The following ZNF516 variants were observed in gnomAD, a reference collection of about 807,000 sequenced individuals.
ZNF516 encodes zinc finger protein 516.
ZNF516 carries 19 observed loss-of-function variants against 79.7 expected under a neutral mutation model. The observed-to-expected ratio is 0.24, with a 90% CI of 0.17 to 0.35. The LOEUF is 0.35. Among genes scored for constraint, ZNF516 ranks in the 10% least tolerant of loss-of-function variants. The pLI is 1.00. For missense variants in ZNF516, 1,678 were observed against 1,679.5 expected (o/e 1.00, Z 0.02); for synonymous variants, 877 against 739.5 (o/e 1.19, Z -3.02).
intron 1 of ZNF516, among the ~76,000 whole-genome samples, chr18:76,473,353 T>C (rs1599144803): frequency 1.3e-5 from 1 of 74,418 alleles, no homozygotes; most frequent in Non-Finnish European, 2.4e-5. Flanking sequence ...ATTTGCTCTC[T>C]GCAAAAAAAA....
In ZNF516 at chr18:76,467,777, G is replaced by A. The variant is rs568998807; in HGVS notation, c.-271-4636C>T. Among the ~76,000 whole-genome samples the A allele has an allele frequency of 6.6e-6, 1 of 152,326 alleles. No homozygotes were observed. The highest frequency in any genetic ancestry group is 2.4e-5 in the African/African-American group (1 of 41,586). ...GCAGGCATGTTCAAACTGTAAGCCC[G>A]TTCGATTCCTGAGTTATTTTTACCA... On this transcript the variant is annotated intron_variant, in intron 1 of 6. Coordinates refer to ENST00000443185, the MANE Select transcript of ZNF516 (RefSeq NM_014643.4). This position sits in a 1 kb window ranked among gnomAD's most constrained non-coding sequence, Gnocchi z 4.2.
intron 3 of ZNF516, among the ~76,000 whole-genome samples, chr18:76,403,909 C>T (rs2075265515): frequency 6.6e-6 from 1 of 152,228 alleles, no homozygotes; most frequent in Non-Finnish European, 1.5e-5. Context: ...CTGCAACAGT[C>T]TCGATGTCTA....
At chr18:76,428,702 A>T (rs2075626113) in intron 3 of ZNF516, among the ~76,000 whole-genome samples, 1 of 152,238 alleles carries the variant, frequency 6.6e-6, no homozygotes, top group Non-Finnish European at 1.5e-5. Context: ...ACGCTTACAC[A>T]AGCAAATACA....
At chr18:76,429,953 C>G (rs750672695) in intron 3 of ZNF516, among the ~76,000 whole-genome samples, 5 of 152,134 alleles carry the variant, frequency 3.3e-5, no homozygotes, top group African/African-American at 4.8e-5. Context: ...ACCATAGAAA[C>G]CGCAGAGACT....
chr18:76,495,733 TG>T (rs1787029570), upstream of ZNF516: 1 of 1,175,866 alleles, frequency 8.5e-7, no homozygotes, highest in Non-Finnish European at 1.1e-6. Context: ...GGCGGGTACC[TG>T]GGCACTGCGC....
chr18:76,429,743 A>G (rs2075639277), intron 3 of ZNF516, among the ~76,000 whole-genome samples: 1 of 152,220 alleles, frequency 6.6e-6, no homozygotes, highest in Non-Finnish European at 1.5e-5. Flanking sequence ...CCACTCGAGA[A>G]AGAATAACCA....
Position 76,379,952 on chromosome 18 carries a change from C to A in ZNF516, c.2162G>T (p.Gly721Val). The change falls in exon 4 of 7, where the codon GGA becomes GTA. Residue 721 changes from glycine (G) to valine (V), a missense_variant. Around this residue, in one of 5 missense-constraint regions of ZNF516, gnomAD observed 1,294 missense variants for 1,248.3 expected, o/e 1.04. Coordinates refer to ENST00000443185, the MANE Select transcript of ZNF516 (RefSeq NM_014643.4). ...SDLHNKEHSG[G>V]GKRALAPDLM... The stretch of plus-strand genomic sequence containing the variant: ...GTCTGGGGCCAGCGCCCGCTTCCCT[C>A]CCCCAGAGTGTTCCTTGTTGTGCAA... 1.2e-6 allele frequency: 2 copies of A among 1,613,992 alleles called. No homozygotes were observed. Among genetic ancestry groups the A allele is most frequent in the Non-Finnish European group, 1.7e-6 (2 of 1,179,902 alleles).
At chr18:76,478,444 G>A (rs978022387) in intron 1 of ZNF516, among the ~76,000 whole-genome samples, 4 of 152,074 alleles carry the variant, frequency 2.6e-5, no homozygotes, top group African/African-American at 9.7e-5. Flanking sequence ...GAAAAAAAAG[G>A]TTTAAGGTTT....
chr18:76,401,995 G>A lies in ZNF516; in HGVS notation c.1811-21692C>T, dbSNP rs545303505. Among the ~76,000 whole-genome samples, 154 of 149,042 alleles carry A rather than the reference G, an allele frequency of 1.0e-3. No homozygotes were observed. The South Asian group carries it at 0.012, about 11-fold the overall frequency. On this transcript the variant is annotated intron_variant, in intron 3 of 6. Coordinates refer to ENST00000443185, the MANE Select transcript of ZNF516 (RefSeq NM_014643.4). ...TGCGTGCCTATGTGCATGTGTGTAC[G>A]CGCGTGTGTACACGTTTGTGTGTAC...
intron 2 of ZNF516, among the ~76,000 whole-genome samples, chr18:76,460,643 C>A (rs968028661): frequency 6.6e-6 from 1 of 152,042 alleles, no homozygotes; most frequent in African/African-American, 2.4e-5. Flanking sequence ...TTTCAACGAG[C>A]CCAGTTGCTC....
At chr18:76,469,066 T>A (rs553885264) in intron 1 of ZNF516, among the ~76,000 whole-genome samples, 8 of 152,342 alleles carry the variant, frequency 5.3e-5, no homozygotes, top group African/African-American at 1.9e-4. Context: ...CATTCTTGAA[T>A]AGTTTTGGAT....
At chr18:76,457,320 T>C (rs1018880428) in intron 2 of ZNF516, among the ~76,000 whole-genome samples, 3 of 152,266 alleles carry the variant, frequency 2.0e-5, no homozygotes, top group Non-Finnish European at 4.4e-5. Flanking sequence ...ATTTGTTTTC[T>C]TTGAGAAGGG....
chr18:76,436,838 C>G (rs1030881935), intron 3 of ZNF516, among the ~76,000 whole-genome samples: 2 of 151,952 alleles, frequency 1.3e-5, no homozygotes, highest in Admixed American at 1.3e-4. Flanking sequence ...GAGGCTGAGG[C>G]GGGTGGATTG....
At chr18:76,416,274 G>A (rs758920520) in intron 3 of ZNF516, among the ~76,000 whole-genome samples, 3 of 152,188 alleles carry the variant, frequency 2.0e-5, no homozygotes, top group Admixed American at 2.0e-4. Context: ...GCCCCTTTTC[G>A]TATCGCACAC....
chr18:76,473,006 G>A (rs1913935076), intron 1 of ZNF516, among the ~76,000 whole-genome samples: 1 of 152,144 alleles, frequency 6.6e-6, no homozygotes, highest in Non-Finnish European at 1.5e-5. Context: ...TAATAGAAGT[G>A]TTCTAACTTC....
intron 2 of ZNF516, among the ~76,000 whole-genome samples, chr18:76,460,735 C>T (rs530099684): frequency 6.6e-6 from 1 of 152,314 alleles, no homozygotes; most frequent in South Asian, 2.1e-4. Flanking sequence ...TGTCAGAGCA[C>T]ACCCCGAGAG....
At chr18:76,409,308 T>A (rs1170199169) in intron 3 of ZNF516, among the ~76,000 whole-genome samples, 2 of 152,242 alleles carry the variant, frequency 1.3e-5, no homozygotes. Context: ...TTATCAAATT[T>A]AATCACAAAA....
chr18:76,441,982 C>T lies in ZNF516; in HGVS notation c.1073G>A (p.Arg358His), dbSNP rs1417685290. 2.5e-6 allele frequency: 4 copies of T among 1,612,834 alleles called. No individual in the cohort carries two copies. Among genetic ancestry groups the T allele is most frequent in the South Asian group, 2.2e-5 (2 of 91,062 alleles). Residue 358 changes from arginine to histidine, a missense_variant, in exon 3 of 7, where the codon CGC (arginine) becomes CAC (histidine). Physicochemically the swap from Arg to His is conservative, Grantham distance 29. Coordinates refer to ENST00000443185, the MANE Select transcript of ZNF516 (RefSeq NM_014643.4). Reference protein sequence around the residue: ...DSLNAHNAIHRRVEASRTRAP... With the variant: ...DSLNAHNAIHHRVEASRTRAP... ...GCGCGTGCGGCTGGCCTCGACTCTG[C>T]GGTGGATGGCATTGTGGGCGTTCAA...
At chr18:76,491,647 G>A in intron 1 of ZNF516, 5 of 676,448 alleles carry the variant, frequency 7.4e-6, no homozygotes, top group South Asian at 6.6e-5. Flanking sequence ...CCTCCTGGCA[G>A]CCCAGCAACA....
Sources: allele counts gnomAD v4.1 joint callset (sites outside exome capture counted in the v4.1 genomes callset), GRCh38; gene constraint gnomAD v4.1.1; regional missense constraint gnomAD v4.1.1; non-coding constraint Gnocchi (gnomAD v3.1); transcripts MANE v1.5; gene names NCBI Gene and HGNC (gene_info 2026-07-23, HGNC 2026-07-21).